ARMH4: variants seen among roughly 807,000 people sequenced by gnomAD.
ARMH4 encodes armadillo-like helical domain-containing protein 4.
A neutral mutation model predicts 61.9 loss-of-function variants in ARMH4; 49 were observed. That is an observed-to-expected ratio of 0.79 (90% CI 0.63 to 1.00). The LOEUF (loss-of-function observed/expected upper bound fraction) is 1.00, where lower values mean the gene tolerates loss of function less well. ARMH4 is among the 50% of genes least tolerant of loss of function. The pLI, the probability that ARMH4 is intolerant of heterozygous loss-of-function variation, is 0.00. For missense variants in ARMH4, 934 were observed against 930.0 expected (o/e 1.00, Z -0.06); for synonymous variants, 368 against 341.5 (o/e 1.08, Z -0.85).
Position 58,049,061 on chromosome 14 carries a change from C to T in ARMH4, c.2090-36911G>A, listed in dbSNP as rs147266358. ...GACCATCCTGGCTAACATGGTGAAACCCCATCTCTATTAAAAACACAAAAA... is the reference window on the plus strand; with the variant it reads ...GACCATCCTGGCTAACATGGTGAAATCCCATCTCTATTAAAAACACAAAAA... On this transcript the variant is annotated intron_variant, in intron 5 of 7. Transcript: ENST00000267485. 5.1e-3 allele frequency among the ~76,000 whole-genome samples: 774 copies of T among 151,876 alleles called. 4 individuals are homozygous for T. Among genetic ancestry groups the T allele is most frequent in the Non-Finnish European group, 7.8e-3 (532 of 67,942 alleles).
chr14:58,048,784 G>C (rs1281448510), intron 5 of ARMH4, among the ~76,000 whole-genome samples: 2 of 152,184 alleles, frequency 1.3e-5, no homozygotes, highest in Non-Finnish European at 2.9e-5. Context: ...GTGAGTGACT[G>C]ACATTGAGTG....
chr14:58,111,946 G>A (rs1218416770), intron 4 of ARMH4, among the ~76,000 whole-genome samples: 2 of 151,960 alleles, frequency 1.3e-5, no homozygotes, highest in Middle Eastern at 3.4e-3. Flanking sequence ...TTCTGCCTTC[G>A]CCCCCCTAAA....
intron 5 of ARMH4, among the ~76,000 whole-genome samples, chr14:58,070,743 T>C (rs557623325): frequency 1.4e-4 from 21 of 152,358 alleles, no homozygotes; most frequent in African/African-American, 3.8e-4. Context: ...TATTTTAAAA[T>C]GTACGATTAA....
rs188690918 is a variant in ARMH4, at chr14:58,110,199, T to C, written c.1832-13218A>G. 1.6e-4 allele frequency among the ~76,000 whole-genome samples: 25 copies of C among 152,344 alleles called. No individual in the cohort carries two copies. The East Asian group carries it at 4.8e-3, about 29-fold the overall frequency. On this transcript the variant is annotated intron_variant, in intron 4 of 7. Coordinates refer to ENST00000267485, the MANE Select transcript of ARMH4 (RefSeq NM_001001872.4). Reference sequence around the variant, plus strand: ...TTTCATCCTTTCCGCTTTTCTAAGCTTTTGGGTTTTATTTTTTAAGCTGAT... The same window carrying C: ...TTTCATCCTTTCCGCTTTTCTAAGCCTTTGGGTTTTATTTTTTAAGCTGAT...
intron 5 of ARMH4, among the ~76,000 whole-genome samples, chr14:58,083,663 C>T (rs548725619): frequency 1.3e-5 from 2 of 152,318 alleles, no homozygotes; most frequent in Admixed American, 1.3e-4. Flanking sequence ...GGACTGTGCA[C>T]CTGTCACTGC....
intron 5 of ARMH4, among the ~76,000 whole-genome samples, chr14:58,092,082 C>T (rs1023590960): frequency 3.3e-5 from 5 of 152,194 alleles, no homozygotes; most frequent in African/African-American, 1.2e-4. Flanking sequence ...GGAAATGAGA[C>T]TATAATCTAT....
intron 5 of ARMH4, among the ~76,000 whole-genome samples, chr14:58,066,144 T>G (rs1005003659): frequency 6.6e-6 from 1 of 152,230 alleles, no homozygotes; most frequent in Non-Finnish European, 1.5e-5. Flanking sequence ...TCAATTAAAA[T>G]GTGCACTAAT....
At position 58,041,137 on chromosome 14, in the gene ARMH4, C is replaced by A. The variant is rs1883685213; in HGVS notation, c.2090-28987G>T. On this transcript the variant is annotated intron_variant, in intron 5 of 7. Coordinates refer to ENST00000267485, the MANE Select transcript of ARMH4 (RefSeq NM_001001872.4). ...GCTGCAGGACAGTGGGTGCAGCACA[C>A]TGAGCATGAGCCAAAGCAGGGCGAG... Among the ~76,000 whole-genome samples the A allele has an allele frequency of 2.0e-5, 3 of 152,144 alleles. No individual in the cohort carries two copies. The South Asian group carries it at 6.2e-4, about 31-fold the overall frequency.
At chr14:58,133,959 A>G (rs1887216416) in intron 2 of ARMH4, among the ~76,000 whole-genome samples, 1 of 152,160 alleles carries the variant, frequency 6.6e-6, no homozygotes, top group African/African-American at 2.4e-5. Context: ...TCCAGAGCCA[A>G]CCTGCCTTAG....
At chr14:58,102,985 T>C (rs1343533890) in intron 4 of ARMH4, among the ~76,000 whole-genome samples, 1 of 151,200 alleles carries the variant, frequency 6.6e-6, no homozygotes, top group Non-Finnish European at 1.5e-5. Flanking sequence ...AATACAAAAT[T>C]AGCTGGACGT....
chr14:58,074,304 G>C (rs1884976298), intron 5 of ARMH4, among the ~76,000 whole-genome samples: 2 of 152,032 alleles, frequency 1.3e-5, no homozygotes, highest in Admixed American at 1.3e-4. Flanking sequence ...TTGACAAGTG[G>C]AGTTGTACCC....
chr14:58,091,981 G>A lies in ARMH4; in HGVS notation c.2089+4743C>T, dbSNP rs148866970. Among the ~76,000 whole-genome samples, 716 of 152,330 alleles carry A rather than the reference G, an allele frequency of 4.7e-3. 2 individuals carry two copies. Among genetic ancestry groups the A allele is most frequent in the Non-Finnish European group, 8.0e-3 (545 of 68,030 alleles). On this transcript the variant is annotated intron_variant, in intron 5 of 7. Transcript: ENST00000267485. ...CTTCAGAGGCAATGCATATGTAACAGTGCAGAAAACAGAAGTACAGAGAAT... is the reference window on the plus strand; with the variant it reads ...CTTCAGAGGCAATGCATATGTAACAATGCAGAAAACAGAAGTACAGAGAAT...
intron 5 of ARMH4, among the ~76,000 whole-genome samples, chr14:58,029,395 A>G (rs1198576304): frequency 6.6e-6 from 1 of 152,070 alleles, no homozygotes; most frequent in Non-Finnish European, 1.5e-5. Flanking sequence ...CACCATGCCC[A>G]GCTAATTTTT....
intron 4 of ARMH4, among the ~76,000 whole-genome samples, chr14:58,122,264 T>C (rs1280741539): frequency 6.6e-6 from 1 of 152,214 alleles, no homozygotes; most frequent in African/African-American, 2.4e-5. Context: ...TTTATAAATA[T>C]GGCCTTCTGA....
At chr14:58,115,189 T>G (rs1023544440) in intron 4 of ARMH4, among the ~76,000 whole-genome samples, 17 of 151,766 alleles carry the variant, frequency 1.1e-4, no homozygotes, top group Non-Finnish European at 2.4e-4. Flanking sequence ...TCACAAACTA[T>G]CCACTCAACA....
At position 58,004,064 on chromosome 14, in the gene ARMH4, G is replaced by C. The variant is rs941093412; in HGVS notation, c.*672C>G. 6.6e-6 allele frequency: 1 copy of C among 152,150 alleles called. No homozygotes were observed. Among genetic ancestry groups the C allele is most frequent in the African/African-American group, 2.4e-5 (1 of 41,432 alleles). 9.4% of individuals were successfully genotyped at this position (152,150 alleles called of 1,614,324 possible). A position where few individuals can be genotyped will look rare whatever the true frequency, so the allele number is the denominator to read the frequency against. On this transcript the variant is annotated 3_prime_UTR_variant, in exon 8 of 8. Transcript: ENST00000267485. ...GACAGCAAACGTACATTAAGACTAA[G>C]AGTCAGTTTAATGTATTATTTCTAG...
chr14:58,148,846 TACAC>T (rs138826141), intron 1 of ARMH4, among the ~76,000 whole-genome samples: 3,807 of 145,770 alleles, frequency 0.026, 77 homozygotes, highest in African/African-American at 0.054. Context: ...CAGAGTTTAT[TACAC>T]ACACACACAC....
intron 4 of ARMH4, among the ~76,000 whole-genome samples, chr14:58,106,476 G>GA (rs1225557339): frequency 6.6e-6 from 1 of 152,224 alleles, no homozygotes; most frequent in Admixed American, 6.5e-5. Flanking sequence ...AGAAATGTCA[G>GA]AGAACAGTGC....
chr14:58,087,195 T>A (rs560915479), intron 5 of ARMH4, among the ~76,000 whole-genome samples: 1 of 152,342 alleles, frequency 6.6e-6, no homozygotes, highest in Admixed American at 6.5e-5. Context: ...TCAATTCTTT[T>A]GAATTTCAAA....
Sources: gnomAD v4.1 joint callset for allele counts (sites outside exome capture counted in the v4.1 genomes callset) on GRCh38, gnomAD v4.1.1 for gene constraint, MANE v1.5 for transcripts, NCBI Gene and HGNC (gene_info 2026-07-23, HGNC 2026-07-21) for gene names.